The following SLA2 variants were observed in gnomAD, a reference collection of about 807,000 sequenced individuals.
The protein encoded by SLA2 is Src like adaptor 2, also known as src-like-adapter 2.
Under a neutral mutation model 27.3 loss-of-function variants are expected in SLA2, and 22 were observed. The ratio of observed to expected loss-of-function variants is 0.81; its 90% CI spans 0.58 to 1.15. SLA2 has a LOEUF of 1.15. SLA2 is among the 50% of genes most tolerant of loss of function. SLA2 has a pLI of 0.00. For synonymous variants in SLA2, 131 were observed against 137.8 expected, an observed-to-expected ratio of 0.95 and a Z score of 0.34; for missense variants, 304 against 322.2, an observed-to-expected ratio of 0.94 and a Z score of 0.43.
At chr20:36,643,621 C>T (rs1413370999) in intron 1 of SLA2, among the ~76,000 whole-genome samples, 3 of 152,188 alleles carry the variant, frequency 2.0e-5, no homozygotes, top group Admixed American at 2.0e-4. Flanking sequence ...TGGAACAGCC[C>T]TCTCTGTTCT....
intron 1 of SLA2, among the ~76,000 whole-genome samples, chr20:36,641,835 C>A (rs2147998130): frequency 6.6e-6 from 1 of 152,030 alleles, no homozygotes; most frequent in Middle Eastern, 3.4e-3. Context: ...TTCCTCCAGG[C>A]ATACCAGGAA....
intron 4 of SLA2, among the ~76,000 whole-genome samples, 175 bp downstream of exon 4, chr20:36,633,368 A>G (rs79781699): frequency 0.032 from 4,884 of 152,180 alleles, 261 homozygotes; most frequent in African/African-American, 0.11. Flanking sequence ...TGGCTCCCAC[A>G]TCTCACAGGC....
At chr20:36,614,132 C>T (rs2039176681) in intron 7 of SLA2, 146 bp from the exon 8 acceptor site, 2 of 1,469,962 alleles carry the variant, frequency 1.4e-6, no homozygotes, top group Non-Finnish European at 1.9e-6. Context: ...TCAGCTTCCC[C>T]AGCCCCACCT....
At chr20:36,621,488 C>G (rs1232670774) in intron 5 of SLA2, 7 of 366,000 alleles carry the variant, frequency 1.9e-5, no homozygotes, top group Middle Eastern at 4.8e-4. Context: ...TGTCACCAGG[C>G]TGAAGTGCAG....
At chr20:36,627,331 A>AGTGAGGG (rs1044190638) in intron 5 of SLA2, among the ~76,000 whole-genome samples, 10 of 152,010 alleles carry the variant, frequency 6.6e-5, no homozygotes, top group Non-Finnish European at 1.5e-4. Context: ...TGATGCTGGG[A>AGTGAGGG]GTGAGGGATG....
chr20:36,640,112 A>T (rs1022454068), intron 2 of SLA2, among the ~76,000 whole-genome samples: 1 of 151,966 alleles, frequency 6.6e-6, no homozygotes, highest in South Asian at 2.1e-4. Context: ...GTTCAAGACC[A>T]GCCTGGGCAA....
intron 2 of SLA2, among the ~76,000 whole-genome samples, chr20:36,641,004 T>C (rs1002502080): frequency 2.0e-5 from 3 of 152,178 alleles, no homozygotes; most frequent in African/African-American, 7.2e-5. Context: ...AATATTCTGG[T>C]TAGTGCCTGT....
intron 5 of SLA2, among the ~76,000 whole-genome samples, chr20:36,626,722 T>C (rs1017908973): frequency 6.6e-6 from 1 of 151,136 alleles, no homozygotes; most frequent in Non-Finnish European, 1.5e-5. Context: ...CAGCCGCCTG[T>C]GGTCCCAGCT....
At position 36,615,233 on chromosome 20, in the gene SLA2, T is replaced by A. The variant is rs1451141351; in HGVS notation, c.524A>T (p.His175Leu). Residue 175 changes from histidine to leucine, a missense_variant, in exon 6 of 8, where the codon CAT becomes CTT. By Grantham distance (99) the His-to-Leu change is moderately conservative (BLOSUM62 -3). Transcript: ENST00000262866. ...GCAGGGAAAGGCCATACCAGAGTAA[T>A]GGTCCACCAGGGCCTGGAGTGAGGG... ...TFPSLQALVD[H>L]YSELADDICC... 4.3e-6 allele frequency: 7 copies of A among 1,614,054 alleles called. No individual in the cohort carries two copies. Among genetic ancestry groups the A allele is most frequent in the Non-Finnish European group, 5.9e-6 (7 of 1,180,006 alleles).
At position 36,614,112 on chromosome 20, in the gene SLA2, C is replaced by T. The variant is rs900575068; in HGVS notation, c.666-126G>A. On this transcript the variant is annotated intron_variant, in intron 7 of 7. Coordinates refer to ENST00000262866, the MANE Select transcript of SLA2 (RefSeq NM_032214.4). ...GAGGACCTCATGGGGCTCCCCTGTT[C>T]CCTATCAGATCAGCTTCCCCAGCCC... 1.5e-5 allele frequency: 22 copies of T among 1,485,672 alleles called. No individual in the cohort carries two copies. The Admixed American group carries it at 3.8e-4, about 26-fold the overall frequency. 92.0% of individuals were successfully genotyped at this position (1,485,672 alleles called of 1,614,324 possible).
At chr20:36,633,898 C>A (rs2039417741) in intron 3 of SLA2, among the ~76,000 whole-genome samples, 1 of 151,464 alleles carries the variant, frequency 6.6e-6, no homozygotes, top group Non-Finnish European at 1.5e-5. Context: ...TGAAATTCCA[C>A]CACAGGGTTT....
At position 36,615,231 on chromosome 20, in the gene SLA2, A is replaced by C. The variant is rs769405997; in HGVS notation, c.526T>G (p.Tyr176Asp). The change falls in exon 6 of 8, where the codon TAC becomes GAC. Residue 176 changes from tyrosine to aspartate, a missense_variant. Coordinates refer to ENST00000262866, the MANE Select transcript of SLA2 (RefSeq NM_032214.4). ...FPSLQALVDH[Y>D]SELADDICCL... is the part of the protein sequence containing the mutation. ...AGGCAGGGAAAGGCCATACCAGAGTAATGGTCCACCAGGGCCTGGAGTGAG... is the reference window on the plus strand; with the variant it reads ...AGGCAGGGAAAGGCCATACCAGAGTCATGGTCCACCAGGGCCTGGAGTGAG... The C allele has an allele frequency of 1.9e-6, 3 of 1,613,992 alleles. No individual in the cohort carries two copies. The highest frequency in any genetic ancestry group is 2.5e-6 in the Non-Finnish European group (3 of 1,180,032).
At chr20:36,633,718 G>A in intron 3 of SLA2, 89 bp from the exon 4 acceptor site, 1 of 1,104,566 alleles carries the variant, frequency 9.1e-7, no homozygotes, top group Non-Finnish European at 1.4e-6. Context: ...ACCCTCTCAG[G>A]CTGGATCCTG....
At chr20:36,642,014 A>T (rs377017829) in intron 1 of SLA2, among the ~76,000 whole-genome samples, 46 of 147,300 alleles carry the variant, frequency 3.1e-4, no homozygotes, top group African/African-American at 1.1e-3. Context: ...AAATACAAAG[A>T]TTAGCTGGGC....
intron 3 of SLA2, 105 bp from the exon 4 acceptor site, chr20:36,633,734 A>ATC: frequency 1.1e-6 from 1 of 880,718 alleles, no homozygotes; most frequent in East Asian, 2.6e-5. Context: ...TCCTGTGGCC[A>ATC]CCTGTCCTGC....
At chr20:36,617,153 C>T (rs2039222082) in intron 5 of SLA2, among the ~76,000 whole-genome samples, 2 of 151,102 alleles carry the variant, frequency 1.3e-5, no homozygotes, top group South Asian at 2.1e-4. Flanking sequence ...AGGTCAGGAG[C>T]TCAAGAACAG....
chr20:36,618,826 G>C (rs1244133755), intron 5 of SLA2, among the ~76,000 whole-genome samples: 1 of 134,018 alleles, frequency 7.5e-6, no homozygotes, highest in African/African-American at 2.7e-5. Context: ...AGAATTGCTT[G>C]AACCCAGGCA....
chr20:36,618,736 A>C (rs1052172135), intron 5 of SLA2, among the ~76,000 whole-genome samples: 2 of 151,124 alleles, frequency 1.3e-5, no homozygotes, highest in Non-Finnish European at 3.0e-5. Flanking sequence ...CAGCCTGACC[A>C]TCTGTACTAA....
At chr20:36,628,725 T>C (rs116535713) in intron 5 of SLA2, among the ~76,000 whole-genome samples, 18 of 146,702 alleles carry the variant, frequency 1.2e-4, no homozygotes, top group Middle Eastern at 3.5e-3. Flanking sequence ...TAAAAAAAAA[T>C]TTTTTTTTTT....
Sources: allele counts gnomAD v4.1 joint callset (sites outside exome capture counted in the v4.1 genomes callset), GRCh38; gene constraint gnomAD v4.1.1; transcripts MANE v1.5; gene names NCBI Gene and HGNC (gene_info 2026-07-23, HGNC 2026-07-21).